Variants in COL24A1 observed in about 807,000 individuals in gnomAD.
COL24A1 encodes collagen alpha-1(XXIV) chain.
Under a neutral mutation model 253.9 loss-of-function variants are expected in COL24A1, and 224 were observed. The ratio of observed to expected loss-of-function variants is 0.88; its 90% confidence interval spans 0.79 to 0.99. The LOEUF (loss-of-function observed/expected upper bound fraction) is 0.99, where lower values mean the gene tolerates loss of function less well. COL24A1 is among the 50% of genes least tolerant of loss of function. COL24A1 has a pLI of 0.00. For missense variants in COL24A1, 2,131 were observed against 2,068.5 expected, an observed-to-expected ratio of 1.03 and a Z score of -0.59; for synonymous variants, 685 against 673.7, an observed-to-expected ratio of 1.02 and a Z score of -0.26.
chr1:85,828,045 T>C (rs1674630635), intron 43 of COL24A1, among the ~76,000 whole-genome samples: 1 of 152,110 alleles, frequency 6.6e-6, no homozygotes, highest in Admixed American at 6.6e-5. Context: ...TCCTGGTTTC[T>C]CTTCTGGGCA....
At chr1:86,004,311 G>A (rs1176180402) in intron 19 of COL24A1, among the ~76,000 whole-genome samples, 1 of 152,046 alleles carries the variant, frequency 6.6e-6, no homozygotes, top group African/African-American at 2.4e-5. Flanking sequence ...CTATCTAGAG[G>A]CTTACAGAAT....
At chr1:85,948,270 ATCCC>A (rs1689520670) in intron 24 of COL24A1, among the ~76,000 whole-genome samples, 1 of 152,054 alleles carries the variant, frequency 6.6e-6, no homozygotes, top group East Asian at 1.9e-4. Flanking sequence ...CACGCCTGTA[ATCCC>A]AGCACTTTGG....
chr1:86,048,652 G>C (rs138470582), intron 11 of COL24A1, among the ~76,000 whole-genome samples: 3 of 151,970 alleles, frequency 2.0e-5, no homozygotes, highest in Non-Finnish European at 4.4e-5. Context: ...CACCAGGCCC[G>C]GCTAATTTTT....
chr1:85,907,070 GA>G, intron 28 of COL24A1, 123 bp downstream of exon 28: 1 of 659,454 alleles, frequency 1.5e-6, no homozygotes. Flanking sequence ...AATGAAAATA[GA>G]AAAAACCTGA....
chr1:85,877,005 A>G lies in COL24A1; in HGVS notation c.3030+117T>C. On this transcript the variant is annotated intron_variant, in intron 33 of 59. Coordinates refer to ENST00000370571, the MANE Select transcript of COL24A1 (RefSeq NM_152890.7). ...TAATGGAATTTTAGTTTTTTTCTGA[A>G]TATGAAACAATACTATAGAATTATT... 3 of 656,702 alleles carry G rather than the reference A, an allele frequency of 4.6e-6. No individual in the cohort carries two copies. The South Asian group carries it at 8.4e-5, about 18-fold the overall frequency. 40.7% of individuals were successfully genotyped at this position (656,702 alleles called of 1,614,324 possible).
intron 24 of COL24A1, among the ~76,000 whole-genome samples, chr1:85,948,295 C>A (rs956702311): frequency 2.0e-5 from 3 of 151,870 alleles, no homozygotes; most frequent in South Asian, 2.1e-4. Context: ...GAGGCCGAGG[C>A]GGGCGGATCA....
intron 43 of COL24A1, among the ~76,000 whole-genome samples, chr1:85,832,562 G>A (rs1330350751): frequency 1.3e-5 from 2 of 150,668 alleles, no homozygotes; most frequent in Non-Finnish European, 3.0e-5. Context: ...CCATGAGCAT[G>A]GAATGTTCTT....
chr1:85,828,890 G>T (rs1189228547), intron 43 of COL24A1, among the ~76,000 whole-genome samples: 1 of 148,594 alleles, frequency 6.7e-6, no homozygotes, highest in Non-Finnish European at 1.5e-5. Flanking sequence ...TTGCCAGTCT[G>T]TGTCTTTTAA....
intron 52 of COL24A1, 69 bp downstream of exon 52, chr1:85,781,151 G>T: frequency 5.3e-6 from 6 of 1,129,176 alleles, no homozygotes; most frequent in South Asian, 3.2e-5. Flanking sequence ...CTAATTCTTT[G>T]TAGAATATTC....
Position 85,909,963 on chromosome 1 carries a change from T to C in COL24A1, c.2657A>G (p.Glu886Gly), listed in dbSNP as rs1321408507. ...CTGAGCTCTTACCATAACACCTTTT[T>C]CTCCCTGCGGACCTAGTGGGCCTGG... The part of the protein sequence containing the change: ...GSPGPLGPQG[E>G]KGVMGYPGPP... Residue 886 changes from glutamate (E) to glycine (G), a missense_variant, in exon 26 of 60, where the codon GAA becomes GGA. Physicochemically the swap from Glu to Gly is moderately conservative, Grantham distance 98. Coordinates refer to ENST00000370571, the MANE Select transcript of COL24A1 (RefSeq NM_152890.7). 1 of 1,610,266 alleles carries C rather than the reference T, an allele frequency of 6.2e-7. No individual in the cohort carries two copies. The highest frequency in any genetic ancestry group is 1.1e-5 in the South Asian group (1 of 90,968).
At chr1:85,929,789 C>A (rs1461469532) in intron 24 of COL24A1, among the ~76,000 whole-genome samples, 1 of 150,980 alleles carries the variant, frequency 6.6e-6, no homozygotes, top group Non-Finnish European at 1.5e-5. Flanking sequence ...TCAGTCAAAG[C>A]CGCTCAACTA....
chr1:85,933,087 T>TAAAAAAAAAAAAAGAAAAAA (rs1687920601), intron 24 of COL24A1, among the ~76,000 whole-genome samples: 1 of 123,630 alleles, frequency 8.1e-6, no homozygotes, highest in Non-Finnish European at 1.6e-5. Context: ...TAGAGTATAA[T>TAAAAAAAAAAAAAGAAAAAA]AAAAAAAAAA....
intron 32 of COL24A1, among the ~76,000 whole-genome samples, chr1:85,879,123 G>A (rs1254875777): frequency 6.6e-6 from 1 of 151,986 alleles, no homozygotes; most frequent in Admixed American, 6.6e-5. Flanking sequence ...CATGGGTTGT[G>A]CTTTTGGTGA....
chr1:85,851,629 T>A (rs932153775), intron 37 of COL24A1, among the ~76,000 whole-genome samples: 2 of 152,188 alleles, frequency 1.3e-5, no homozygotes, highest in Non-Finnish European at 2.9e-5. Context: ...AGACTTAAAA[T>A]GGGTGCAGAA....
intron 24 of COL24A1, among the ~76,000 whole-genome samples, chr1:85,937,943 G>C (rs1688380568): frequency 6.8e-6 from 1 of 147,502 alleles, no homozygotes; most frequent in East Asian, 2.1e-4. Flanking sequence ...TATTATGTCA[G>C]AGCAGGGGAC....
chr1:85,737,566 C>CTT (rs111790983), intron 57 of COL24A1, 61 bp from the exon 58 acceptor site: 442 of 929,086 alleles, frequency 4.8e-4, no homozygotes, highest in Admixed American at 1.5e-3. Context: ...CTTATAATTT[C>CTT]TTTTTTTTTT....
intron 3 of COL24A1, among the ~76,000 whole-genome samples, chr1:86,122,309 A>G (rs902891331): frequency 1.3e-5 from 2 of 151,586 alleles, no homozygotes; most frequent in African/African-American, 4.8e-5. Flanking sequence ...CTTTTCTCCT[A>G]TCTCTCTGAC....
chr1:86,046,434 G>T (rs1226014175), intron 12 of COL24A1, among the ~76,000 whole-genome samples: 1 of 152,070 alleles, frequency 6.6e-6, no homozygotes, highest in Admixed American at 6.6e-5. Flanking sequence ...TGAATTAACA[G>T]CTGAAGCACG....
chr1:85,972,996 C>A (rs1021565708), intron 20 of COL24A1, among the ~76,000 whole-genome samples: 1 of 152,098 alleles, frequency 6.6e-6, no homozygotes, highest in Admixed American at 6.6e-5. Flanking sequence ...TTTATGTAAG[C>A]CTGTTTAAGC....
Sources: allele counts gnomAD v4.1 joint callset (sites outside exome capture counted in the v4.1 genomes callset), GRCh38; gene constraint gnomAD v4.1.1; transcripts MANE v1.5; gene names NCBI Gene and HGNC (gene_info 2026-07-23, HGNC 2026-07-21).